The following DROSHA variants were observed in gnomAD, a reference collection of about 807,000 sequenced individuals.
The protein encoded by DROSHA is ribonuclease 3.
A neutral mutation model predicts 181.9 loss-of-function variants in DROSHA; 56 were observed. The observed-to-expected ratio is 0.31, with a 90% CI of 0.25 to 0.38. The LOEUF (loss-of-function observed/expected upper bound fraction) is 0.38. Ranked by LOEUF, DROSHA falls within the 10% of genes least tolerant of loss-of-function variation. The probability of loss-of-function intolerance (pLI) is 1.00; values close to 1 mark genes in which losing one functional copy is unlikely to be tolerated. For synonymous variants in DROSHA, 524 were observed against 591.2 expected, an observed-to-expected ratio of 0.89 and a Z score of 1.65; for missense variants, 1,218 against 1,743.5, an observed-to-expected ratio of 0.70 and a Z score of 5.37.
chr5:31,440,871 T>C (rs481079), intron 23 of DROSHA, among the ~76,000 whole-genome samples: 2,498 of 152,236 alleles, frequency 0.016, 64 homozygotes, highest in African/African-American at 0.056. Flanking sequence ...CTTATATATA[T>C]TTCTTATGTA....
Position 31,409,053 on chromosome 5 carries a change from T to C in DROSHA, c.3854+3A>G. On this transcript the variant is annotated splice_donor_region_variant and intron_variant, in intron 33 of 35. Transcript: ENST00000344624. This position sits in a 1 kb window ranked among gnomAD's most constrained non-coding sequence, Gnocchi z 4.0. Reference sequence around the variant, plus strand: ...CAATGGCCTGCAGGCAACAAGTACTTACTTGTACAGAGGAATGTCTGGCTC... The same window carrying C: ...CAATGGCCTGCAGGCAACAAGTACTCACTTGTACAGAGGAATGTCTGGCTC... The C allele has an allele frequency of 6.2e-7, 1 of 1,613,444 alleles. No individual in the cohort carries two copies. Among genetic ancestry groups the C allele is most frequent in the South Asian group, 1.1e-5 (1 of 90,962 alleles).
chr5:31,440,969 C>T (rs1448958197), intron 23 of DROSHA, among the ~76,000 whole-genome samples: 1 of 151,454 alleles, frequency 6.6e-6, no homozygotes, highest in African/African-American at 2.4e-5. Context: ...TTCCAAAATC[C>T]AAAAATAATC....
rs1739914201 is a variant in DROSHA at position 31,400,589 on chromosome 5, T to C, written c.*843A>G. On this transcript the variant is annotated 3_prime_UTR_variant, in exon 36 of 36. Transcript: ENST00000344624. ...TAAAATGTTATGTCTTTGAATGTCA[T>C]GTTAGCCTTTTACTGCAGGGCCCAC... is the stretch of plus-strand genomic sequence containing the variant. 6.6e-6 allele frequency: 1 copy of C among 152,250 alleles called. No homozygotes were observed. Among genetic ancestry groups the C allele is most frequent in the Non-Finnish European group, 1.5e-5 (1 of 68,042 alleles). The allele number at this position is 152,250 out of a possible 1,614,324, so 9.4% of individuals were successfully genotyped here. A position where few individuals can be genotyped will look rare whatever the true frequency, so the allele number is the denominator to read the frequency against.
At chr5:31,491,186 A>T (rs1395620098) in intron 13 of DROSHA, among the ~76,000 whole-genome samples, 3 of 40,424 alleles carry the variant, frequency 7.4e-5, no homozygotes, top group African/African-American at 3.8e-4. Flanking sequence ...GTCCAAGGTT[A>T]AAAAAAAAAA....
rs1337277928 is a variant in DROSHA at position 31,511,227 on chromosome 5, TC to T, written c.1291-52del. The T allele has an allele frequency of 4.6e-6, 7 of 1,531,014 alleles. No individual in the cohort carries two copies. In the African/African-American group the frequency reaches 9.6e-5, roughly 21 times the overall value. The allele number at this position is 1,531,014 out of a possible 1,614,324, so 94.8% of individuals were successfully genotyped here. ...AGGAACTATATCAATAACGATCATA[TC>T]AAAGATATGTAAGATCTCACAGGTA... On this transcript the variant is annotated intron_variant, in intron 8 of 35. Coordinates refer to ENST00000344624, the MANE Select transcript of DROSHA (RefSeq NM_001382508.1).
chr5:31,410,470 T>C (rs982966526), intron 31 of DROSHA, among the ~76,000 whole-genome samples: 5 of 152,226 alleles, frequency 3.3e-5, no homozygotes, highest in African/African-American at 1.2e-4. Context: ...TCTATTACTG[T>C]TTCACACAAA....
Position 31,409,622 on chromosome 5 carries a change from A to G in DROSHA, c.3668-290T>C. 1 of 348,096 alleles carries G rather than the reference A, an allele frequency of 2.9e-6. No homozygotes were observed. Among genetic ancestry groups the G allele is most frequent in the Non-Finnish European group, 5.3e-6 (1 of 187,408 alleles). 21.6% of individuals were successfully genotyped at this position (348,096 alleles called of 1,614,324 possible). On this transcript the variant is annotated intron_variant, in intron 31 of 35. Transcript: ENST00000344624. This position sits in a 1 kb window ranked among gnomAD's most constrained non-coding sequence, Gnocchi z 4.0. Reference sequence around the variant, plus strand: ...AATGCCGCTGTATATCAGGGAAAAAATGCTGAGCACCCAACCCTGTTCACA... The same window carrying G: ...AATGCCGCTGTATATCAGGGAAAAAGTGCTGAGCACCCAACCCTGTTCACA...
At chr5:31,421,203 A>G in intron 30 of DROSHA, 69 bp downstream of exon 30, 2 of 1,197,338 alleles carry the variant, frequency 1.7e-6, no homozygotes, top group Non-Finnish European at 2.5e-6. Flanking sequence ...ATAGATATAT[A>G]TTTGACCCCT....
Position 31,409,431 on chromosome 5 carries a change from T to C in DROSHA, c.3668-99A>G. On this transcript the variant is annotated intron_variant, in intron 31 of 35. Coordinates refer to ENST00000344624, the MANE Select transcript of DROSHA (RefSeq NM_001382508.1). The surrounding 1 kb of genome is among the most constrained non-coding windows in gnomAD (Gnocchi z 4.0). ...TTTAAGCAAAATTTTAGTAATAGTT[T>C]CAACTTCCAGGCCCTCTTTATTTTT... 9.4e-7 allele frequency: 1 copy of C among 1,067,866 alleles called. No individual in the cohort carries two copies. The highest frequency in any genetic ancestry group is 1.4e-6 in the Non-Finnish European group (1 of 739,060). 66.1% of individuals were successfully genotyped at this position (1,067,866 alleles called of 1,614,324 possible).
intron 16 of DROSHA, among the ~76,000 whole-genome samples, chr5:31,481,091 TC>T (rs1254663386): frequency 6.7e-6 from 1 of 149,768 alleles, no homozygotes; most frequent in Non-Finnish European, 1.5e-5. Flanking sequence ...AAAATATATA[TC>T]AAAATGTTTT....
At chr5:31,456,483 C>G (rs1747675237) in intron 20 of DROSHA, among the ~76,000 whole-genome samples, 1 of 151,612 alleles carries the variant, frequency 6.6e-6, no homozygotes, top group African/African-American at 2.4e-5. Context: ...CACACACACA[C>G]ACACACACAC....
At chr5:31,510,227 T>C (rs777832707) in intron 9 of DROSHA, among the ~76,000 whole-genome samples, 1 of 152,174 alleles carries the variant, frequency 6.6e-6, no homozygotes, top group Non-Finnish European at 1.5e-5. Context: ...ATGAGATAGA[T>C]GCTACTGTCT....
chr5:31,421,898 T>TATATATATATATATATATGTATGCGCC (rs59534292), intron 29 of DROSHA: 1 of 50,454 alleles, frequency 2.0e-5, no homozygotes, highest in African/African-American at 1.2e-4. Context: ...AAAAAAAATA[T>TATATATATATATATATATGTATGCGCC]ATATATATAA....
At chr5:31,412,304 T>A (rs547180868) in intron 30 of DROSHA, among the ~76,000 whole-genome samples, 1 of 152,286 alleles carries the variant, frequency 6.6e-6, no homozygotes, top group East Asian at 1.9e-4. Flanking sequence ...AGAATACATA[T>A]AACAAATTCT....
chr5:31,466,573 C>T (rs914881406), intron 18 of DROSHA: 1 of 245,986 alleles, frequency 4.1e-6, no homozygotes, highest in Non-Finnish European at 7.9e-6. Flanking sequence ...ACAAAAACAC[C>T]TCAACCAAAG....
rs1561277000 is a variant in DROSHA at position 31,511,113 on chromosome 5, ACTC to A, written c.1351_1353del (p.Glu451del). ...TTGGCCTTTTCTTGCCTGCTCCCCAACTCCTCCTCAAATTTGTCATATAAGTCA... is the reference window on the plus strand; with the variant it reads ...TTGGCCTTTTCTTGCCTGCTCCCCAACTCCTCAAATTTGTCATATAAGTCA... On this transcript the variant is annotated inframe_deletion, in exon 9 of 36. Coordinates refer to ENST00000344624, the MANE Select transcript of DROSHA (RefSeq NM_001382508.1). The A allele has an allele frequency of 3.7e-6, 6 of 1,613,420 alleles. No individual in the cohort carries two copies. The highest frequency in any genetic ancestry group is 1.3e-5 in the African/African-American group (1 of 74,786).
In DROSHA at chr5:31,438,824, G is replaced by A. The variant is rs1467505495; in HGVS notation, c.2883-1526C>T. ...CCCAGGAACGAACCCAGGGAGTGCC[G>A]AAGTTGAGAAGTCAAGCAGGAGGGA... On this transcript the variant is annotated intron_variant, in intron 23 of 35. Transcript: ENST00000344624. Among the ~76,000 whole-genome samples, 7 of 152,098 alleles carry A rather than the reference G, an allele frequency of 4.6e-5. No homozygotes were observed. The East Asian group carries it at 9.7e-4, about 21-fold the overall frequency.
intron 26 of DROSHA, among the ~76,000 whole-genome samples, chr5:31,429,776 T>C (rs1218317712): frequency 6.6e-6 from 1 of 152,158 alleles, no homozygotes; most frequent in East Asian, 1.9e-4. Flanking sequence ...AAATCTAATA[T>C]TGTAAGTAAA....
intron 25 of DROSHA, among the ~76,000 whole-genome samples, chr5:31,433,603 G>A (rs1295114846): frequency 6.6e-6 from 1 of 152,042 alleles, no homozygotes; most frequent in African/African-American, 2.4e-5. Context: ...GGAGTGCAGT[G>A]GCACAATCTA....
Sources: allele counts gnomAD v4.1 joint callset (sites outside exome capture counted in the v4.1 genomes callset), GRCh38; gene constraint gnomAD v4.1.1; non-coding constraint Gnocchi (gnomAD v3.1); transcripts MANE v1.5; gene names NCBI Gene and HGNC (gene_info 2026-07-23, HGNC 2026-07-21).